Variants in RORA observed in about 807,000 individuals in gnomAD.
RORA encodes the protein nuclear receptor ROR-alpha.
Under a neutral mutation model 69.5 loss-of-function variants are expected in RORA, and 7 were observed. The observed-to-expected ratio is 0.10, with a 90% CI of 0.06 to 0.19. The LOEUF (loss-of-function observed/expected upper bound fraction) is 0.19, where lower values mean the gene tolerates loss of function less well. Ranked by LOEUF, RORA falls within the 10% of genes least tolerant of loss-of-function variation. The pLI, the probability that RORA is intolerant of heterozygous loss-of-function variation, is 1.00. For synonymous variants in RORA, 261 were observed against 240.8 expected, an observed-to-expected ratio of 1.08 and a Z score of -0.78; for missense variants, 457 against 663.0, an observed-to-expected ratio of 0.69 and a Z score of 3.41.
intron 1 of RORA, among the ~76,000 whole-genome samples, chr15:61,177,642 A>T (rs2079641848): frequency 6.6e-6 from 1 of 152,046 alleles, no homozygotes; most frequent in Non-Finnish European, 1.5e-5. Flanking sequence ...GAATAAAAAT[A>T]AAAATAAAAA....
chr15:60,571,171 T>C (rs1349683412), intron 2 of RORA, among the ~76,000 whole-genome samples: 1 of 151,878 alleles, frequency 6.6e-6, no homozygotes, highest in Non-Finnish European at 1.5e-5. Flanking sequence ...CCGGGGAGTG[T>C]AGTAATTTCG....
intron 1 of RORA, among the ~76,000 whole-genome samples, chr15:60,711,667 A>C (rs1284985097): frequency 1.3e-5 from 2 of 152,302 alleles, no homozygotes; most frequent in African/African-American, 2.4e-5. Context: ...ATTCGATTGC[A>C]TCTATCCTTC....
chr15:60,620,630 G>A (rs2069379070), intron 2 of RORA, among the ~76,000 whole-genome samples: 1 of 152,228 alleles, frequency 6.6e-6, no homozygotes, highest in Non-Finnish European at 1.5e-5. Context: ...CTGGGACCAA[G>A]GGGCTGGCTG....
intron 1 of RORA, among the ~76,000 whole-genome samples, chr15:60,691,128 C>A (rs988427773): frequency 6.6e-5 from 10 of 152,120 alleles, no homozygotes; most frequent in Admixed American, 5.9e-4. Context: ...GTTTGTAGTT[C>A]CCTCTGCCTG....
chr15:61,136,365 G>T (rs2079240362), intron 1 of RORA, among the ~76,000 whole-genome samples: 1 of 152,186 alleles, frequency 6.6e-6, no homozygotes, highest in Admixed American at 6.5e-5. Context: ...CTAGAGTTGG[G>T]TCCATTTTAG....
At chr15:60,521,545 T>C (rs1260554043) in intron 3 of RORA, among the ~76,000 whole-genome samples, 1 of 152,134 alleles carries the variant, frequency 6.6e-6, no homozygotes, top group Non-Finnish European at 1.5e-5. Flanking sequence ...CTGGCCACAA[T>C]TGTCATTTTT....
At chr15:60,782,250 C>A (rs549856834) in intron 1 of RORA, among the ~76,000 whole-genome samples, 9 of 152,154 alleles carry the variant, frequency 5.9e-5, no homozygotes, top group Admixed American at 2.6e-4. Context: ...AAAAGAAATG[C>A]CCGTTGCACG....
At chr15:60,835,349 G>C (rs184321720) in intron 1 of RORA, among the ~76,000 whole-genome samples, 10 of 152,330 alleles carry the variant, frequency 6.6e-5, no homozygotes, top group Admixed American at 5.2e-4. Context: ...TCTCTGGGTT[G>C]CTGGTGTTCT....
intron 1 of RORA, among the ~76,000 whole-genome samples, chr15:60,941,178 C>T (rs1020122305): frequency 1.3e-5 from 2 of 152,118 alleles, no homozygotes; most frequent in Admixed American, 6.5e-5. Context: ...ATATACCAAC[C>T]CTGGGATGGA....
chr15:60,904,293 GGAGA>G (rs1402190468), intron 1 of RORA, among the ~76,000 whole-genome samples: 1 of 152,190 alleles, frequency 6.6e-6, no homozygotes, highest in Admixed American at 6.5e-5. Flanking sequence ...GTTGGAGTAA[GGAGA>G]GAGTCTTTTC....
chr15:60,853,200 G>A (rs920045970), intron 1 of RORA, among the ~76,000 whole-genome samples: 2 of 152,154 alleles, frequency 1.3e-5, no homozygotes, highest in Admixed American at 6.5e-5. Context: ...AAAAGAAAGT[G>A]CTGCCACCCA....
chr15:61,101,012 T>C (rs748546860), intron 1 of RORA, among the ~76,000 whole-genome samples: 3 of 152,238 alleles, frequency 2.0e-5, no homozygotes, highest in Non-Finnish European at 4.4e-5. Context: ...TCCTTGAAGA[T>C]AGATAATGTG....
At chr15:60,960,888 C>T (rs1489097173) in intron 1 of RORA, among the ~76,000 whole-genome samples, 2 of 152,140 alleles carry the variant, frequency 1.3e-5, no homozygotes, top group Non-Finnish European at 2.9e-5. Flanking sequence ...ACCCAAGAGA[C>T]CGACACCATT....
intron 1 of RORA, among the ~76,000 whole-genome samples, chr15:61,210,945 G>T (rs1019287422): frequency 3.9e-5 from 6 of 152,216 alleles, no homozygotes; most frequent in Non-Finnish European, 1.5e-5. Flanking sequence ...GCTCGAGATG[G>T]TGGCCAAGGC....
intron 2 of RORA, among the ~76,000 whole-genome samples, chr15:60,625,952 T>G (rs1288764276): frequency 6.6e-6 from 1 of 152,108 alleles, no homozygotes; most frequent in African/African-American, 2.4e-5. Context: ...AAAGTGAAAA[T>G]ATGAGCTTTG....
intron 2 of RORA, among the ~76,000 whole-genome samples, chr15:60,666,678 A>G (rs992543580): frequency 1.3e-5 from 2 of 152,180 alleles, no homozygotes; most frequent in African/African-American, 4.8e-5. Context: ...ATAGGTGCAG[A>G]AGATGATGAA....
chr15:60,654,014 A>G (rs1300012557), intron 2 of RORA, among the ~76,000 whole-genome samples: 1 of 152,168 alleles, frequency 6.6e-6, no homozygotes, highest in East Asian at 1.9e-4. Context: ...AACACTTTAC[A>G]TGAAGAAGCA....
At chr15:60,586,547 G>C (rs1202946574) in intron 2 of RORA, among the ~76,000 whole-genome samples, 1 of 152,138 alleles carries the variant, frequency 6.6e-6, no homozygotes, top group East Asian at 1.9e-4. Flanking sequence ...GATTAAATGT[G>C]TTCTGCACAG....
intron 3 of RORA, among the ~76,000 whole-genome samples, chr15:60,515,123 G>T (rs1020581183): frequency 2.0e-5 from 3 of 152,176 alleles, no homozygotes; most frequent in African/African-American, 4.8e-5. Context: ...GAGATTGTTT[G>T]TAAAATAAAT....
Sources: allele counts gnomAD v4.1 joint callset (sites outside exome capture counted in the v4.1 genomes callset), GRCh38; gene constraint gnomAD v4.1.1; transcripts MANE v1.5; gene names NCBI Gene and HGNC (gene_info 2026-07-23, HGNC 2026-07-21).